Variants in GRID2 observed in about 807,000 individuals in gnomAD.
GRID2 encodes glutamate ionotropic receptor delta type subunit 2.
A neutral mutation model predicts 114.8 loss-of-function variants in GRID2; 33 were observed. The observed-to-expected ratio is 0.29, with a 90% CI of 0.22 to 0.38. The LOEUF (loss-of-function observed/expected upper bound fraction) is 0.38. GRID2 is among the 10% of genes least tolerant of loss of function. The pLI, the probability that GRID2 is intolerant of heterozygous loss-of-function variation, is 1.00. For synonymous variants in GRID2, 505 were observed against 449.9 expected (o/e 1.12, Z -1.55); for missense variants, 1,184 against 1,257.7 (o/e 0.94, Z 0.89).
intron 4 of GRID2, among the ~76,000 whole-genome samples, chr4:93,118,307 G>C (rs1362651389): frequency 6.6e-6 from 1 of 152,042 alleles, no homozygotes; most frequent in Non-Finnish European, 1.5e-5. Context: ...ATTTTCATGA[G>C]ACTCTGGGAG....
At chr4:93,667,723 T>C (rs980070295) in intron 14 of GRID2, among the ~76,000 whole-genome samples, 1 of 152,194 alleles carries the variant, frequency 6.6e-6, no homozygotes, top group Non-Finnish European at 1.5e-5. Flanking sequence ...ATAAGATTTA[T>C]AAAGTAACAT....
chr4:92,606,516 G>T (rs1020581075), intron 2 of GRID2, among the ~76,000 whole-genome samples: 1 of 151,950 alleles, frequency 6.6e-6, no homozygotes, highest in African/African-American at 2.4e-5. Context: ...GTGTGTGGTT[G>T]TCTTAAGCTG....
At chr4:93,082,013 C>T (rs1185454687) in intron 2 of GRID2, among the ~76,000 whole-genome samples, 1 of 152,140 alleles carries the variant, frequency 6.6e-6, no homozygotes. Flanking sequence ...AGATCCAAAG[C>T]AAATCAATTT....
At chr4:93,052,526 A>G (rs1012456471) in intron 2 of GRID2, among the ~76,000 whole-genome samples, 2 of 151,956 alleles carry the variant, frequency 1.3e-5, no homozygotes, top group South Asian at 2.1e-4. Flanking sequence ...AATACTGAAT[A>G]ATGTAGGCAA....
At chr4:93,484,692 C>T (rs764733453) in intron 11 of GRID2, among the ~76,000 whole-genome samples, 14 of 151,876 alleles carry the variant, frequency 9.2e-5, no homozygotes, top group Non-Finnish European at 1.9e-4. Flanking sequence ...ACAGTTTGAA[C>T]AGTTGGTCAC....
At chr4:93,093,294 C>G (rs1029409914) in intron 3 of GRID2, among the ~76,000 whole-genome samples, 3 of 151,960 alleles carry the variant, frequency 2.0e-5, no homozygotes, top group South Asian at 4.1e-4. Flanking sequence ...AATGGATGTA[C>G]CTGGTAGCCA....
At chr4:93,777,039 TG>T (rs371484006), downstream of GRID2, among the ~76,000 whole-genome samples, 79 of 152,338 alleles carry the variant, frequency 5.2e-4, 2 homozygotes, top group East Asian at 0.013. Context: ...CTACCTTTCC[TG>T]TCATCTAAGA....
intron 2 of GRID2, among the ~76,000 whole-genome samples, chr4:92,618,183 C>G (rs1395532497): frequency 2.6e-5 from 4 of 151,562 alleles, no homozygotes; most frequent in African/African-American, 9.7e-5. Context: ...TTTATTTCTG[C>G]ATAGTGTGAA....
At chr4:92,892,194 G>C (rs979690413) in intron 2 of GRID2, among the ~76,000 whole-genome samples, 1 of 151,952 alleles carries the variant, frequency 6.6e-6, no homozygotes, top group African/African-American at 2.4e-5. Flanking sequence ...CTCCCTAGTA[G>C]CTGGGATTAC....
At chr4:93,197,973 A>C (rs771310222) in intron 4 of GRID2, among the ~76,000 whole-genome samples, 23 of 152,196 alleles carry the variant, frequency 1.5e-4, no homozygotes, top group Non-Finnish European at 2.9e-4. Flanking sequence ...TTTTTTAATT[A>C]AAATTTTTTC....
At chr4:92,828,746 A>G (rs918237501) in intron 2 of GRID2, among the ~76,000 whole-genome samples, 5 of 152,120 alleles carry the variant, frequency 3.3e-5, no homozygotes, top group African/African-American at 1.2e-4. Flanking sequence ...TGTTTTTCAA[A>G]AATTTGCTAG....
intron 8 of GRID2, among the ~76,000 whole-genome samples, chr4:93,287,429 GCA>G (rs1264397854): frequency 1.3e-5 from 2 of 152,044 alleles, no homozygotes; most frequent in African/African-American, 4.8e-5. Context: ...CTATCCTGAG[GCA>G]CAGTCAGACA....
chr4:93,404,334 G>A (rs1766200603), intron 9 of GRID2, among the ~76,000 whole-genome samples: 1 of 151,990 alleles, frequency 6.6e-6, no homozygotes, highest in African/African-American at 2.4e-5. Context: ...ACATATTTGC[G>A]AATATACTAA....
intron 2 of GRID2, among the ~76,000 whole-genome samples, chr4:92,635,350 T>C (rs1268579882): frequency 6.6e-6 from 1 of 152,104 alleles, no homozygotes; most frequent in Admixed American, 6.6e-5. Context: ...ACTCCCGATA[T>C]TTGTAACTTA....
chr4:93,687,252 T>C (rs1264420033), intron 14 of GRID2, among the ~76,000 whole-genome samples: 1 of 151,980 alleles, frequency 6.6e-6, no homozygotes, highest in Admixed American at 6.6e-5. Flanking sequence ...ATATGGAAAA[T>C]TGCAGAAATC....
intron 2 of GRID2, among the ~76,000 whole-genome samples, chr4:93,034,050 A>C (rs1204210482): frequency 6.6e-6 from 1 of 152,114 alleles, no homozygotes; most frequent in Non-Finnish European, 1.5e-5. Context: ...GAGGGAGAAA[A>C]CTTTGAACTG....
intron 14 of GRID2, among the ~76,000 whole-genome samples, chr4:93,748,506 T>C (rs1732038252): frequency 6.6e-6 from 1 of 152,190 alleles, no homozygotes; most frequent in South Asian, 2.1e-4. Context: ...GGAAGGCCAG[T>C]TGTAATTAGT....
At chr4:92,348,082 A>G (rs1224783203) in intron 1 of GRID2, among the ~76,000 whole-genome samples, 2 of 152,098 alleles carry the variant, frequency 1.3e-5, no homozygotes, top group Admixed American at 6.6e-5. Context: ...CAGCCTCCCA[A>G]ATAGCTGGGA....
At chr4:92,699,030 C>A (rs1182286041) in intron 2 of GRID2, among the ~76,000 whole-genome samples, 1 of 151,848 alleles carries the variant, frequency 6.6e-6, no homozygotes, top group East Asian at 1.9e-4. Flanking sequence ...CACTATTTTT[C>A]TTTTCTATTA....
Sources: allele counts gnomAD v4.1 joint callset (sites outside exome capture counted in the v4.1 genomes callset), GRCh38; gene constraint gnomAD v4.1.1; transcripts MANE v1.5; gene names NCBI Gene and HGNC (gene_info 2026-07-23, HGNC 2026-07-21).